Variants in ZKSCAN7 observed in about 807,000 individuals in gnomAD.
The protein encoded by ZKSCAN7 is zinc finger protein with KRAB and SCAN domains 7.
In ZKSCAN7, 38 loss-of-function variants were observed where a neutral mutation model predicts 65.3. That is an observed-to-expected ratio of 0.58 (90% CI 0.45 to 0.76). The LOEUF is 0.76. ZKSCAN7 is among the 30% of genes least tolerant of loss of function. The probability of loss-of-function intolerance (pLI) is 0.00; values close to 1 mark genes in which losing one functional copy is unlikely to be tolerated. For synonymous variants in ZKSCAN7, 321 were observed against 321.0 expected (o/e 1.00, Z 0.00); for missense variants, 815 against 913.3 (o/e 0.89, Z 1.39).
At position 44,568,372 on chromosome 3, in the gene ZKSCAN7, C is replaced by G; in HGVS notation, c.750C>G (p.Leu250=). 6.2e-7 allele frequency: 1 copy of G among 1,613,728 alleles called. No homozygotes were observed. Among genetic ancestry groups the G allele is most frequent in the Non-Finnish European group, 8.5e-7 (1 of 1,179,578 alleles). ...YTQKKWKSLT[L]SQRALQWNMM... ...AGAAGAAATGGAAAAGTCTCACACTCAGTCAGAGAGCCCTGCAGTGGAACA... is the reference window on the plus strand; with the variant it reads ...AGAAGAAATGGAAAAGTCTCACACTGAGTCAGAGAGCCCTGCAGTGGAACA... The change falls in exon 5 of 6, where the codon CTC becomes CTG. Residue 250 remains leucine (L), a synonymous_variant. Transcript: ENST00000426540.
intron 2 of ZKSCAN7, among the ~76,000 whole-genome samples, chr3:44,557,854 A>G (rs1223501554): frequency 6.6e-6 from 1 of 152,082 alleles, no homozygotes. Context: ...GACTTCTCAG[A>G]GTCAATTTTC....
chr3:44,580,651 T>C, intron 5 of ZKSCAN7: 1 of 1,613,898 alleles, frequency 6.2e-7, no homozygotes, highest in Non-Finnish European at 8.5e-7. Flanking sequence ...AAATGCTCCT[T>C]CTCAGGCGTC....
At chr3:44,565,338 T>A (rs185193084) in intron 2 of ZKSCAN7, 149 bp from the exon 3 acceptor site, 171 of 666,130 alleles carry the variant, frequency 2.6e-4, no homozygotes, top group South Asian at 5.9e-4. Flanking sequence ...GTTTTTTTTT[T>A]CCCCCAGTAG....
chr3:44,578,099 G>A (rs993939753), intron 5 of ZKSCAN7: 1 of 1,569,814 alleles, frequency 6.4e-7, no homozygotes, highest in Admixed American at 1.7e-5. Flanking sequence ...CCATGGCACT[G>A]TCAGGGGACT....
chr3:44,556,150 G>A (rs186276802), intron 1 of ZKSCAN7, among the ~76,000 whole-genome samples: 2 of 152,318 alleles, frequency 1.3e-5, no homozygotes, highest in Admixed American at 1.3e-4. Context: ...GTAAAAAAAG[G>A]TCTAGTATTT....
At chr3:44,582,083 G>A (rs1015048137) in intron 5 of ZKSCAN7, among the ~76,000 whole-genome samples, 1 of 152,188 alleles carries the variant, frequency 6.6e-6, no homozygotes, top group African/African-American at 2.4e-5. Flanking sequence ...GCCCTGATGG[G>A]GACCAGTAGA....
In ZKSCAN7 at chr3:44,557,152, C is replaced by G. The variant is rs1357555897; in HGVS notation, c.105C>G (p.Thr35=). The G allele has an allele frequency of 2.5e-6, 4 of 1,614,140 alleles. No homozygotes were observed. The highest frequency in any genetic ancestry group is 3.4e-6 in the Non-Finnish European group (4 of 1,180,050). The change falls in exon 2 of 6, where the codon ACC becomes ACG. Residue 35 remains threonine (T), a synonymous_variant. Transcript: ENST00000426540. ...LTVKQEPANQ[T]WGQGSSLQKN... ...TGAAGCAGGAGCCAGCAAACCAGAC[C>G]TGGGGGCAGGGCAGCAGTCTCCAGA... is the stretch of plus-strand genomic sequence containing the variant.
chr3:44,577,124 T>C (rs558310901), downstream of ZKSCAN7, among the ~76,000 whole-genome samples: 1 of 152,086 alleles, frequency 6.6e-6, no homozygotes, highest in Non-Finnish European at 1.5e-5. Context: ...TTACCATACC[T>C]GGCTAATTTT....
intron 3 of ZKSCAN7, among the ~76,000 whole-genome samples, chr3:44,567,690 AG>A (rs1370839852): frequency 6.6e-6 from 1 of 151,980 alleles, no homozygotes; most frequent in Non-Finnish European, 1.5e-5. Flanking sequence ...GAAGAGAGTG[AG>A]GGCTTGGAGG....
chr3:44,569,896 AGTT>A (rs1699744228), intron 5 of ZKSCAN7, 23 bp from the exon 6 acceptor site: 2 of 1,509,402 alleles, frequency 1.3e-6, no homozygotes, highest in African/African-American at 2.8e-5. Flanking sequence ...AATGGGTAAA[AGTT>A]GTTGTCTTCT....
At chr3:44,578,283 G>GT in intron 5 of ZKSCAN7, 1 of 1,579,888 alleles carries the variant, frequency 6.3e-7, no homozygotes, top group Non-Finnish European at 8.7e-7. Context: ...CTAATCTCCT[G>GT]TTTCAGGTAC....
downstream of ZKSCAN7, among the ~76,000 whole-genome samples, chr3:44,572,409 AG>A (rs1345507284): frequency 1.9e-4 from 28 of 144,762 alleles, no homozygotes; most frequent in African/African-American, 6.7e-4. Context: ...AAAGAGAGAG[AG>A]TGTGTGTGTG....
chr3:44,566,786 A>C (rs1184946391), intron 3 of ZKSCAN7, among the ~76,000 whole-genome samples: 1 of 150,672 alleles, frequency 6.6e-6, no homozygotes, highest in African/African-American at 2.4e-5. Context: ...GCATGCCACC[A>C]TGACCAGCTC....
intron 5 of ZKSCAN7, 75 bp from the exon 6 acceptor site, chr3:44,569,847 G>A (rs909221458): frequency 1.4e-6 from 2 of 1,463,490 alleles, no homozygotes; most frequent in African/African-American, 1.4e-5. Flanking sequence ...TTTCAGGTAT[G>A]TTAGCTCTTA....
chr3:44,566,339 G>C (rs1393194068), intron 3 of ZKSCAN7, among the ~76,000 whole-genome samples: 2 of 152,280 alleles, frequency 1.3e-5, no homozygotes, highest in East Asian at 3.9e-4. Context: ...TAATGTGTTA[G>C]AAATAGTATT....
intron 5 of ZKSCAN7, among the ~76,000 whole-genome samples, chr3:44,568,866 C>G (rs1233767975): frequency 6.6e-6 from 1 of 152,202 alleles, no homozygotes; most frequent in Non-Finnish European, 1.5e-5. Flanking sequence ...CGCAGTGTAT[C>G]TGTTTTCTCT....
At chr3:44,578,626 C>A (rs1034402394) in intron 5 of ZKSCAN7, among the ~76,000 whole-genome samples, 3 of 152,192 alleles carry the variant, frequency 2.0e-5, no homozygotes, top group African/African-American at 7.2e-5. Flanking sequence ...GCCGCAGGGC[C>A]TCAACATCCG....
intron 5 of ZKSCAN7, among the ~76,000 whole-genome samples, chr3:44,578,591 G>T (rs1699979042): frequency 6.6e-6 from 1 of 152,140 alleles, no homozygotes; most frequent in Non-Finnish European, 1.5e-5. Flanking sequence ...CCGCTGCACC[G>T]ACTGCAGCTC....
At chr3:44,577,108 C>T (rs911355278), downstream of ZKSCAN7, among the ~76,000 whole-genome samples, 8 of 151,876 alleles carry the variant, frequency 5.3e-5, no homozygotes, top group Non-Finnish European at 5.9e-5. Flanking sequence ...GGACTACAGG[C>T]GCATGTTACC....
Sources: gnomAD v4.1 joint callset for allele counts (sites outside exome capture counted in the v4.1 genomes callset) on GRCh38, gnomAD v4.1.1 for gene constraint, MANE v1.5 for transcripts, NCBI Gene and HGNC (gene_info 2026-07-23, HGNC 2026-07-21) for gene names.